BCL2L1: variants seen among roughly 807,000 people sequenced by gnomAD.
BCL2L1 encodes bcl-2-like protein 1.
BCL2L1 carries 1 observed loss-of-function variant against 18.7 expected under a neutral mutation model. The ratio of observed to expected loss-of-function variants is 0.05; its 90% CI spans 0.02 to 0.25. The LOEUF (loss-of-function observed/expected upper bound fraction) is 0.25, where lower values mean the gene tolerates loss of function less well. BCL2L1 is among the 10% of genes least tolerant of loss of function. The pLI is 1.00. For missense variants in BCL2L1, 207 were observed against 304.9 expected, an observed-to-expected ratio of 0.68 and a Z score of 2.39; for synonymous variants, 103 against 122.7, an observed-to-expected ratio of 0.84 and a Z score of 1.06.
chr20:31,703,520 CTCACTCT>C (rs2061318731), intron 2 of BCL2L1, among the ~76,000 whole-genome samples: 1 of 142,266 alleles, frequency 7.0e-6, no homozygotes, highest in Non-Finnish European at 1.5e-5. Context: ...AGACAAGAGT[CTCACTCT>C]GTTGCCCAGG....
chr20:31,705,635 G>A lies in BCL2L1; in HGVS notation c.564+16020C>T, dbSNP rs149534433. Reference sequence around the variant, plus strand: ...AGCTGTAGATGCTGTAGAACCCAGAGGAGGGGGCCTCTCTTTCACCCTAAA... The same window carrying A: ...AGCTGTAGATGCTGTAGAACCCAGAAGAGGGGGCCTCTCTTTCACCCTAAA... On this transcript the variant is annotated intron_variant, in intron 2 of 2. Transcript: ENST00000307677. Among the ~76,000 whole-genome samples, 479 of 152,338 alleles carry A rather than the reference G, an allele frequency of 3.1e-3. 1 individual carries two copies. The highest frequency in any genetic ancestry group is 5.4e-3 in the Non-Finnish European group (365 of 68,038).
intron 2 of BCL2L1, among the ~76,000 whole-genome samples, chr20:31,691,520 A>AAAAAT (rs143142638): frequency 0.047 from 6,808 of 144,604 alleles, 186 homozygotes; most frequent in South Asian, 0.065. Flanking sequence ...TCTCAAAATA[A>AAAAAT]AAAATAAAAT....
At chr20:31,714,381 C>A (rs563815581) in intron 2 of BCL2L1, among the ~76,000 whole-genome samples, 4 of 152,210 alleles carry the variant, frequency 2.6e-5, no homozygotes, top group Non-Finnish European at 5.9e-5. Context: ...GCTCCTACTA[C>A]AACAGAAATG....
At chr20:31,701,793 C>A (rs552101578) in intron 2 of BCL2L1, among the ~76,000 whole-genome samples, 1 of 152,334 alleles carries the variant, frequency 6.6e-6, no homozygotes, top group South Asian at 2.1e-4. Context: ...TTCTCATTAG[C>A]TTCTCTTCTC....
Position 31,665,894 on chromosome 20 carries a change from G to A in BCL2L1, c.*55C>T. 1 of 1,594,772 alleles carries A rather than the reference G, an allele frequency of 6.3e-7. No homozygotes were observed. Among genetic ancestry groups the A allele is most frequent in the Admixed American group, 1.7e-5 (1 of 59,138 alleles). On this transcript the variant is annotated 3_prime_UTR_variant, in exon 3 of 3. Transcript: ENST00000307677. ...TGGTGGCAATGGCGGCTGGACGGAGGATGTGGTGGAGCAGAGAAGGGGGTG... is the reference window on the plus strand; with the variant it reads ...TGGTGGCAATGGCGGCTGGACGGAGAATGTGGTGGAGCAGAGAAGGGGGTG...
intron 2 of BCL2L1, among the ~76,000 whole-genome samples, chr20:31,703,492 T>G (rs918684887): frequency 1.8e-4 from 25 of 136,270 alleles, no homozygotes; most frequent in Non-Finnish European, 2.9e-4. Flanking sequence ...ACTTGGTGGT[T>G]GTTTTTTTTT....
intron 2 of BCL2L1, among the ~76,000 whole-genome samples, chr20:31,681,753 C>T (rs1347105996): frequency 6.6e-6 from 1 of 152,170 alleles, no homozygotes; most frequent in African/African-American, 2.4e-5. Flanking sequence ...CTATAAAAGG[C>T]GAGAGAAGAG....
At chr20:31,675,514 G>T (rs6060633) in intron 2 of BCL2L1, among the ~76,000 whole-genome samples, 44,474 of 152,092 alleles carry the variant, frequency 0.29, 8,205 homozygotes, top group African/African-American at 0.51. Context: ...GAAGAAGTGA[G>T]GTTTGTGGTT....
intron 2 of BCL2L1, among the ~76,000 whole-genome samples, chr20:31,718,752 C>T (rs1275143020): frequency 6.6e-6 from 1 of 152,164 alleles, no homozygotes; most frequent in Non-Finnish European, 1.5e-5. Flanking sequence ...TTTACCAGTG[C>T]CAGAATCTGA....
intron 2 of BCL2L1, chr20:31,720,522 T>C (rs1237554585): frequency 1.0e-6 from 1 of 985,268 alleles, no homozygotes; most frequent in African/African-American, 1.7e-5. Context: ...TTGCCTACAG[T>C]GACCACTGGT....
intron 2 of BCL2L1, among the ~76,000 whole-genome samples, chr20:31,671,182 C>T (rs1600755643): frequency 2.6e-5 from 4 of 152,126 alleles, no homozygotes; most frequent in Non-Finnish European, 5.9e-5. Context: ...GTCATGGATT[C>T]CTAGCCAGGT....
rs781506995 is a variant in BCL2L1, at chr20:31,665,943, G to A, written c.*6C>T. 1 of 1,613,170 alleles carries A rather than the reference G, an allele frequency of 6.2e-7. No individual in the cohort carries two copies. Among genetic ancestry groups the A allele is most frequent in the South Asian group, 1.1e-5 (1 of 91,028 alleles). On this transcript the variant is annotated 3_prime_UTR_variant, in exon 3 of 3. Transcript: ENST00000307677. ...TGGGAGGGTAGAGTGGATGGTCAGT[G>A]TCTGGTCATTTCCGACTGAAGAGTG...
At chr20:31,713,942 G>A (rs542771691) in intron 2 of BCL2L1, among the ~76,000 whole-genome samples, 5 of 152,258 alleles carry the variant, frequency 3.3e-5, no homozygotes, top group Admixed American at 6.5e-5. Context: ...CCTTTGAAAC[G>A]GAGATGTCAT....
chr20:31,680,571 G>A (rs1940038852), intron 2 of BCL2L1, among the ~76,000 whole-genome samples: 1 of 152,168 alleles, frequency 6.6e-6, no homozygotes, highest in Admixed American at 6.5e-5. Context: ...TATTAGATGA[G>A]TTTTCTAAGA....
At chr20:31,714,582 CCT>C (rs2061499506) in intron 2 of BCL2L1, among the ~76,000 whole-genome samples, 1 of 152,116 alleles carries the variant, frequency 6.6e-6, no homozygotes, top group Admixed American at 6.6e-5. Context: ...ACCATCGCCC[CCT>C]GTGAGGCAGG....
intron 2 of BCL2L1, chr20:31,713,307 C>G (rs2061480597): frequency 1.0e-6 from 1 of 985,138 alleles, no homozygotes; most frequent in Admixed American, 6.2e-5. Context: ...CAGCTGGAGG[C>G]AGAAGCCAGG....
intron 2 of BCL2L1, chr20:31,713,473 T>C: frequency 1.0e-6 from 1 of 985,334 alleles, no homozygotes; most frequent in Non-Finnish European, 1.2e-6. Flanking sequence ...AAGCAGTCCA[T>C]GGAAGTCATC....
intron 2 of BCL2L1, among the ~76,000 whole-genome samples, chr20:31,718,237 C>T (rs2061569629): frequency 6.6e-6 from 1 of 152,182 alleles, no homozygotes; most frequent in South Asian, 2.1e-4. Context: ...GGCTAAGGGT[C>T]TACACTTTCA....
At chr20:31,702,276 GGA>G (rs1400930185) in intron 2 of BCL2L1, among the ~76,000 whole-genome samples, 2 of 152,186 alleles carry the variant, frequency 1.3e-5, no homozygotes, top group African/African-American at 4.8e-5. Flanking sequence ...GTGGAGTAAG[GGA>G]GAGACAGAAT....
Sources: allele counts gnomAD v4.1 joint callset (sites outside exome capture counted in the v4.1 genomes callset), GRCh38; gene constraint gnomAD v4.1.1; transcripts MANE v1.5; gene names NCBI Gene and HGNC (gene_info 2026-07-23, HGNC 2026-07-21).